PRKN: variants seen among roughly 807,000 people sequenced by gnomAD.
The protein encoded by PRKN is parkin RBR E3 ubiquitin protein ligase, also known as E3 ubiquitin-protein ligase parkin.
PRKN carries 56 observed loss-of-function variants against 59.5 expected under a neutral mutation model. The ratio of observed to expected loss-of-function variants is 0.94; its 90% CI spans 0.76 to 1.18. The LOEUF is 1.18. Ranked by LOEUF, PRKN falls within the 50% of genes most tolerant of loss-of-function variation. The probability of loss-of-function intolerance (pLI) is 0.00; values close to 1 mark genes in which losing one functional copy is unlikely to be tolerated. For missense variants in PRKN, 657 were observed against 596.4 expected (o/e 1.10, Z -1.06); for synonymous variants, 250 against 222.1 (o/e 1.13, Z -1.12).
At position 161,361,422 on chromosome 6, in the gene PRKN, G is replaced by A. The variant is rs1036516048; in HGVS notation, c.1168-1217C>T. ...GCATAGAATCTGGTACACAGCAGGC[G>A]ATCAGTACATTTCAGGCAAGTGAAT... On this transcript the variant is annotated intron_variant, in intron 10 of 11. Transcript: ENST00000366898. The surrounding 1 kb of genome is among the most constrained non-coding windows in gnomAD (Gnocchi z 5.2). Among the ~76,000 whole-genome samples, 11 of 152,152 alleles carry A rather than the reference G, an allele frequency of 7.2e-5. No homozygotes were observed. The highest frequency in any genetic ancestry group is 2.4e-4 in the African/African-American group (10 of 41,428).
intron 5 of PRKN, among the ~76,000 whole-genome samples, chr6:162,010,314 T>A (rs1213433967): frequency 8.2e-6 from 1 of 122,456 alleles, no homozygotes; most frequent in African/African-American, 3.2e-5. Context: ...TATATATATT[T>A]TATATATTTA....
At chr6:161,888,150 A>G (rs1230698244) in intron 6 of PRKN, among the ~76,000 whole-genome samples, 1 of 152,166 alleles carries the variant, frequency 6.6e-6, no homozygotes, top group Non-Finnish European at 1.5e-5. Context: ...CCATTTGCCT[A>G]ATTATCAGAT....
intron 1 of PRKN, among the ~76,000 whole-genome samples, chr6:162,638,862 G>C (rs182940830): frequency 8.8e-5 from 13 of 147,790 alleles, no homozygotes; most frequent in Non-Finnish European, 1.8e-4. Flanking sequence ...CTCCTGCCTC[G>C]GCCTCCCAAA....
At chr6:162,315,495 T>A (rs1478671567) in intron 2 of PRKN, among the ~76,000 whole-genome samples, 1 of 152,126 alleles carries the variant, frequency 6.6e-6, no homozygotes, top group Non-Finnish European at 1.5e-5. Context: ...TCAGTGAAAT[T>A]TGCATTTCAA....
intron 4 of PRKN, among the ~76,000 whole-genome samples, chr6:162,140,502 G>A (rs1781731926): frequency 6.6e-6 from 1 of 152,180 alleles, no homozygotes; most frequent in Non-Finnish European, 1.5e-5. Flanking sequence ...GAGAGAATGT[G>A]TGTGTGTATA....
chr6:162,339,368 GC>G (rs1441021387), intron 2 of PRKN, among the ~76,000 whole-genome samples: 19 of 141,454 alleles, frequency 1.3e-4, no homozygotes, highest in African/African-American at 5.1e-4. Flanking sequence ...CCGGCCAGCC[GC>G]CCCGTCCGGG....
chr6:161,675,487 T>C (rs559049214), intron 7 of PRKN, among the ~76,000 whole-genome samples: 6 of 152,286 alleles, frequency 3.9e-5, no homozygotes, highest in African/African-American at 2.4e-5. Context: ...AACAGGCAAT[T>C]TAATAACTCT....
chr6:161,954,431 C>T (rs1339947218), intron 6 of PRKN, among the ~76,000 whole-genome samples: 1 of 152,176 alleles, frequency 6.6e-6, no homozygotes, highest in Non-Finnish European at 1.5e-5. Context: ...TTCTCTTTGG[C>T]CTGACCTTTT....
chr6:162,642,593 G>A (rs2128224812), intron 1 of PRKN, among the ~76,000 whole-genome samples: 1 of 151,732 alleles, frequency 6.6e-6, no homozygotes, highest in Admixed American at 6.6e-5. Flanking sequence ...TTATCTTTTT[G>A]GTTAGCAAAC....
At chr6:162,544,672 A>ATTTTTTT (rs11296683) in intron 1 of PRKN, among the ~76,000 whole-genome samples, 11 of 71,526 alleles carry the variant, frequency 1.5e-4, no homozygotes, top group Non-Finnish European at 2.0e-4. Context: ...TTTATTGTTG[A>ATTTTTTT]TTTTTTTTTT....
Position 162,225,467 on chromosome 6 carries a change from C to T in PRKN, c.413-24215G>A, listed in dbSNP as rs141313618. 8.4e-3 allele frequency among the ~76,000 whole-genome samples: 1,277 copies of T among 152,216 alleles called. 19 individuals are homozygous for T. Among genetic ancestry groups the T allele is most frequent in the African/African-American group, 0.029 (1,202 of 41,534 alleles). ...TTTTAAAGCTGAGAGATCGGGATACCTTCTTTCATCTCTTTGGTATCTTCA... is the reference window on the plus strand; with the variant it reads ...TTTTAAAGCTGAGAGATCGGGATACTTTCTTTCATCTCTTTGGTATCTTCA... On this transcript the variant is annotated intron_variant, in intron 3 of 11. Coordinates refer to ENST00000366898, the MANE Select transcript of PRKN (RefSeq NM_004562.3).
At chr6:161,808,846 T>C (rs1015576242) in intron 6 of PRKN, among the ~76,000 whole-genome samples, 7 of 152,156 alleles carry the variant, frequency 4.6e-5, no homozygotes, top group Non-Finnish European at 8.8e-5. Context: ...CTGTTTTGTT[T>C]TGTTTTGTTT....
chr6:161,911,237 G>T (rs978137515), intron 6 of PRKN, among the ~76,000 whole-genome samples: 12 of 152,128 alleles, frequency 7.9e-5, no homozygotes, highest in Admixed American at 2.6e-4. Flanking sequence ...AGAGGAAGTG[G>T]TCACTCTGGT....
chr6:161,564,758 T>G (rs943194131), intron 8 of PRKN, among the ~76,000 whole-genome samples: 2 of 152,162 alleles, frequency 1.3e-5, no homozygotes, highest in African/African-American at 4.8e-5. Context: ...TCTCAAATCT[T>G]CAGTTTGCAA....
intron 4 of PRKN, among the ~76,000 whole-genome samples, chr6:162,185,935 G>C (rs1409042488): frequency 6.6e-6 from 1 of 152,134 alleles, no homozygotes; most frequent in Non-Finnish European, 1.5e-5. Context: ...CCTGTTAAGA[G>C]AAGAGGCTAT....
intron 1 of PRKN, among the ~76,000 whole-genome samples, chr6:162,515,678 C>T (rs11966297): frequency 0.083 from 12,681 of 152,030 alleles, 568 homozygotes; most frequent in South Asian, 0.17. Context: ...TTTACTTATT[C>T]AAATTTTTTT....
At chr6:162,622,102 C>T (rs950003309) in intron 1 of PRKN, among the ~76,000 whole-genome samples, 6 of 151,428 alleles carry the variant, frequency 4.0e-5, no homozygotes, top group Non-Finnish European at 5.9e-5. Flanking sequence ...CTTGAGCCAC[C>T]GCACCCAGCC....
At chr6:161,655,507 C>T (rs11756024) in intron 7 of PRKN, among the ~76,000 whole-genome samples, 47,746 of 152,188 alleles carry the variant, frequency 0.31, 7,836 homozygotes, top group African/African-American at 0.36. Flanking sequence ...CCCAGCCTCT[C>T]ACCTCCGTCA....
intron 7 of PRKN, among the ~76,000 whole-genome samples, chr6:161,700,149 G>A (rs970672812): frequency 6.6e-6 from 1 of 151,282 alleles, no homozygotes; most frequent in Non-Finnish European, 1.5e-5. Context: ...TTTTCCAATT[G>A]CAGTGCCTGT....
Sources: gnomAD v4.1 joint callset for allele counts (sites outside exome capture counted in the v4.1 genomes callset) on GRCh38, gnomAD v4.1.1 for gene constraint, Gnocchi (gnomAD v3.1) non-coding constraint, MANE v1.5 for transcripts, NCBI Gene and HGNC (gene_info 2026-07-23, HGNC 2026-07-21) for gene names.